PCDH15: variants seen among roughly 807,000 people sequenced by gnomAD.
The protein encoded by PCDH15 is protocadherin related 15.
Under a neutral mutation model 178.5 loss-of-function variants are expected in PCDH15, and 129 were observed. That is an observed-to-expected ratio of 0.72 (90% CI 0.63 to 0.84). The LOEUF (loss-of-function observed/expected upper bound fraction) is 0.84. Ranked by LOEUF, PCDH15 falls within the 40% of genes least tolerant of loss-of-function variation. The pLI is 0.00. For synonymous variants in PCDH15, 800 were observed against 732.0 expected, an observed-to-expected ratio of 1.09 and a Z score of -1.50; for missense variants, 2,230 against 2,099.9, an observed-to-expected ratio of 1.06 and a Z score of -1.21.
intron 2 of PCDH15, among the ~76,000 whole-genome samples, chr10:54,597,836 A>G (rs1289804695): frequency 6.6e-6 from 1 of 152,190 alleles, no homozygotes; most frequent in African/African-American, 2.4e-5. Context: ...ACAAATAACC[A>G]TCAGAGACTA....
At chr10:54,140,635 AT>A (rs1229959909) in intron 14 of PCDH15, among the ~76,000 whole-genome samples, 15 of 151,678 alleles carry the variant, frequency 9.9e-5, no homozygotes, top group Admixed American at 7.9e-4. Flanking sequence ...CACCTGGCTA[AT>A]TTTTTGTATT....
chr10:54,657,571 A>G (rs1399780248), intron 2 of PCDH15, among the ~76,000 whole-genome samples: 1 of 152,316 alleles, frequency 6.6e-6, no homozygotes, highest in East Asian at 1.9e-4. Flanking sequence ...AACAACAGGC[A>G]ACATTCAAGA....
At chr10:54,614,615 A>C (rs1218585099) in intron 2 of PCDH15, among the ~76,000 whole-genome samples, 1 of 152,032 alleles carries the variant, frequency 6.6e-6, no homozygotes, top group Non-Finnish European at 1.5e-5. Context: ...GTTTAAACAT[A>C]ATAAACACTA....
chr10:54,295,562 A>G (rs1053408347), intron 8 of PCDH15, among the ~76,000 whole-genome samples: 1 of 152,192 alleles, frequency 6.6e-6, no homozygotes, highest in Admixed American at 6.5e-5. Flanking sequence ...CAGTGAGACT[A>G]CAAACCCACT....
chr10:55,102,292 C>T (rs1842591707), intron 2 of PCDH15, among the ~76,000 whole-genome samples: 1 of 151,924 alleles, frequency 6.6e-6, no homozygotes, highest in South Asian at 2.1e-4. Context: ...TAGCTGTTGA[C>T]TTTACATTTT....
chr10:54,285,314 C>G (rs2058965408), intron 8 of PCDH15, among the ~76,000 whole-genome samples: 1 of 150,728 alleles, frequency 6.6e-6, no homozygotes, highest in Admixed American at 6.6e-5. Context: ...AAAATATTTC[C>G]AAACCATGTA....
chr10:54,891,934 G>A (rs138602853), intron 3 of PCDH15, among the ~76,000 whole-genome samples: 37 of 152,210 alleles, frequency 2.4e-4, no homozygotes, highest in African/African-American at 8.4e-4. Context: ...GACTTCAGAT[G>A]TAAAGGTCTG....
intron 7 of PCDH15, among the ~76,000 whole-genome samples, chr10:54,325,003 C>T (rs2133813407): frequency 7.2e-6 from 1 of 139,272 alleles, no homozygotes; most frequent in South Asian, 2.3e-4. Flanking sequence ...AAAAAGAAAA[C>T]CCATTTGATC....
intron 8 of PCDH15, among the ~76,000 whole-genome samples, chr10:54,311,539 A>C (rs1350177546): frequency 6.6e-6 from 1 of 152,070 alleles, no homozygotes; most frequent in Admixed American, 6.6e-5. Context: ...ATTAAGAATA[A>C]ACATACATAA....
intron 23 of PCDH15, among the ~76,000 whole-genome samples, chr10:53,956,948 A>T (rs991997873): frequency 1.3e-4 from 20 of 152,356 alleles, no homozygotes; most frequent in African/African-American, 4.8e-4. Context: ...TCGCATTTTT[A>T]AAACATGGCA....
intron 5 of PCDH15, among the ~76,000 whole-genome samples, chr10:54,356,240 C>G (rs1405117724): frequency 3.3e-5 from 5 of 151,928 alleles, no homozygotes; most frequent in Non-Finnish European, 5.9e-5. Context: ...CATTCATGCA[C>G]AAAGTCTACG....
chr10:53,995,895 A>G (rs2091818174), intron 20 of PCDH15, 130 bp from the exon 21 acceptor site: 1 of 821,504 alleles, frequency 1.2e-6, no homozygotes, highest in Non-Finnish European at 2.0e-6. Context: ...TCTCAATTCC[A>G]TTACTCTCAT....
Position 55,368,306 on chromosome 10 carries a change from C to A in PCDH15, c.-155-201655G>T, listed in dbSNP as rs138192423. 5.2e-3 allele frequency among the ~76,000 whole-genome samples: 789 copies of A among 152,084 alleles called. 6 individuals carry two copies. The highest frequency in any genetic ancestry group is 0.018 in the African/African-American group (746 of 41,502). ...AAATAATTATTTTTCTTAGCATTGCCCTAACATAGGCATGTGAGCATAAAT... is the reference window on the plus strand; with the variant it reads ...AAATAATTATTTTTCTTAGCATTGCACTAACATAGGCATGTGAGCATAAAT... On this transcript the variant is annotated intron_variant, in intron 2 of 5. Transcript: ENST00000613346.
rs2048377249 is a variant in PCDH15 at position 54,185,167 on chromosome 10, C to A, written c.1407G>T (p.Val469=). Reference sequence around the variant, plus strand: ...TGTAAGTTTGCTGTTCTTCCCTGTCCACTGGTTGAAGTAAGGTGAGGTAGC... The same window carrying A: ...TGTAAGTTTGCTGTTCTTCCCTGTCAACTGGTTGAAGTAAGGTGAGGTAGC... ...ITRYLTLLQP[V]DREEQQTYTF... Residue 469 remains valine, a synonymous_variant, in exon 12 of 38, where the codon GTG becomes GTT. Transcript: ENST00000644397. The A allele has an allele frequency of 6.2e-7, 1 of 1,613,532 alleles. No individual in the cohort carries two copies. Among genetic ancestry groups the A allele is most frequent in the East Asian group, 2.2e-5 (1 of 44,792 alleles).
chr10:54,311,164 CAG>C (rs943538562), intron 8 of PCDH15, among the ~76,000 whole-genome samples: 5 of 151,896 alleles, frequency 3.3e-5, no homozygotes, highest in Non-Finnish European at 5.9e-5. Flanking sequence ...TGGTTTTAAA[CAG>C]GGGGAGAGAA....
chr10:53,896,524 G>A (rs1164686519), intron 26 of PCDH15, among the ~76,000 whole-genome samples: 3 of 152,158 alleles, frequency 2.0e-5, no homozygotes, highest in Non-Finnish European at 4.4e-5. Flanking sequence ...CTATTCTGAT[G>A]TAACCATATT....
At chr10:54,127,719 A>G (rs2042101366) in intron 15 of PCDH15, among the ~76,000 whole-genome samples, 1 of 152,056 alleles carries the variant, frequency 6.6e-6, no homozygotes. Context: ...ATTATATTAT[A>G]CTCAGTTTGA....
intron 18 of PCDH15, among the ~76,000 whole-genome samples, chr10:54,058,377 CA>C (rs1164091205): frequency 2.6e-5 from 4 of 152,214 alleles, no homozygotes; most frequent in African/African-American, 9.6e-5. Flanking sequence ...TGGCAGAAGG[CA>C]AATGAGGAGC....
intron 2 of PCDH15, among the ~76,000 whole-genome samples, chr10:55,376,233 A>G (rs1014395728): frequency 6.6e-5 from 10 of 151,996 alleles, no homozygotes; most frequent in African/African-American, 2.4e-4. Context: ...TTTTATTTTA[A>G]TTTTCTATTT....
Sources: gnomAD v4.1 joint callset for allele counts (sites outside exome capture counted in the v4.1 genomes callset) on GRCh38, gnomAD v4.1.1 for gene constraint, MANE v1.5 for transcripts, NCBI Gene and HGNC (gene_info 2026-07-23, HGNC 2026-07-21) for gene names.